FANCB: variants seen among roughly 807,000 people sequenced by gnomAD.
FANCB encodes the protein FA complementation group B, also known as Fanconi anemia group B protein.
In FANCB, 5 loss-of-function variants were observed where a neutral mutation model predicts 38.9. The observed-to-expected ratio is 0.13, with a 90% CI of 0.07 to 0.27. FANCB has a LOEUF of 0.27. Ranked by LOEUF, FANCB falls within the 10% of genes least tolerant of loss-of-function variation. The pLI is 1.00. For missense variants in FANCB, 573 were observed against 602.7 expected (o/e 0.95, Z 0.52); for synonymous variants, 236 against 215.4 (o/e 1.10, Z -0.84).
chrX:14,765,596 G>A, the FANCB span, among the ~76,000 whole-genome samples: 1 of 111,304 alleles, frequency 9.0e-6, no homozygotes, highest in Admixed American at 9.6e-5. Context: ...AATTAAATCT[G>A]TCAAACAGGA....
the FANCB span, among the ~76,000 whole-genome samples, chrX:14,703,688 G>A: frequency 7.2e-5 from 8 of 111,575 alleles, no homozygotes; most frequent in African/African-American, 2.6e-4. Context: ...TGCACACTCA[G>A]GACAGTCCAG....
At chrX:14,769,201 C>G in the FANCB span, among the ~76,000 whole-genome samples, 1 of 111,574 alleles carries the variant, frequency 9.0e-6, no homozygotes, top group Non-Finnish European at 1.9e-5. Flanking sequence ...AGGAGTCCCT[C>G]CTTTTCAATC....
downstream of FANCB, among the ~76,000 whole-genome samples, chrX:14,832,393 T>C (rs762739133): frequency 5.4e-5 from 6 of 111,498 alleles, no homozygotes; most frequent in Non-Finnish European, 1.1e-4. Context: ...CCTACTCCAG[T>C]ATGACCTCAT....
chrX:14,729,570 T>A, the FANCB span, among the ~76,000 whole-genome samples: 2 of 111,838 alleles, frequency 1.8e-5, no homozygotes, highest in African/African-American at 6.5e-5. Context: ...AGCCAAATAA[T>A]CAATGTTAAA....
At chrX:14,786,877 A>G in the FANCB span, among the ~76,000 whole-genome samples, 1 of 111,787 alleles carries the variant, frequency 8.9e-6, no homozygotes, top group Non-Finnish European at 1.9e-5. Context: ...TCTGTCTATA[A>G]TCCAATAATA....
At chrX:14,870,469 C>T (rs1173212145) in intron 1 of FANCB, among the ~76,000 whole-genome samples, 1 of 110,680 alleles carries the variant, frequency 9.0e-6, no homozygotes, top group Non-Finnish European at 1.9e-5. Context: ...CGGGGCGGGG[C>T]GTGGAGACCA....
chrX:14,808,050 G>C, the FANCB span, among the ~76,000 whole-genome samples: 2 of 111,495 alleles, frequency 1.8e-5, no homozygotes, highest in Non-Finnish European at 3.8e-5. Flanking sequence ...GATCAATAAA[G>C]TAACAATATC....
the FANCB span, among the ~76,000 whole-genome samples, chrX:14,766,856 A>G: frequency 5.5e-5 from 6 of 109,858 alleles, no homozygotes; most frequent in Admixed American, 1.9e-4. Flanking sequence ...TCCCCACCCA[A>G]TCAGGCCCTA....
chrX:14,836,491 C>T (rs2092341437), intron 10 of FANCB, among the ~76,000 whole-genome samples: 1 of 112,118 alleles, frequency 8.9e-6, no homozygotes. Flanking sequence ...AATGTACATG[C>T]ATATGTTATT....
At chrX:14,817,916 T>C in the FANCB span, among the ~76,000 whole-genome samples, 1 of 111,753 alleles carries the variant, frequency 8.9e-6, no homozygotes, top group Admixed American at 9.5e-5. Flanking sequence ...AAGGCCTTAG[T>C]TTGCCAACTC....
At chrX:14,819,577 A>G in the FANCB span, among the ~76,000 whole-genome samples, 1 of 111,305 alleles carries the variant, frequency 9.0e-6, no homozygotes, top group East Asian at 2.8e-4. Context: ...TTTTTGTTTG[A>G]TTGGTTGGTT....
At chrX:14,816,963 G>C in the FANCB span, among the ~76,000 whole-genome samples, 2 of 111,884 alleles carry the variant, frequency 1.8e-5, no homozygotes, top group African/African-American at 6.5e-5. Context: ...AATTAAATGA[G>C]ACACTACCTA....
the FANCB span, among the ~76,000 whole-genome samples, chrX:14,721,120 CAAAA>C: frequency 3.6e-4 from 26 of 71,663 alleles, no homozygotes; most frequent in African/African-American, 7.0e-4. Flanking sequence ...GACCCTGTCT[CAAAA>C]AAAAAAAAAA....
chrX:14,795,641 T>G, the FANCB span, among the ~76,000 whole-genome samples: 1 of 112,291 alleles, frequency 8.9e-6, no homozygotes, highest in Non-Finnish European at 1.9e-5. Flanking sequence ...AGAGAATTTC[T>G]GTTTAATGAC....
chrX:14,843,544 A>C lies in FANCB; in HGVS notation c.*23T>G. 1 of 1,102,845 alleles carries C rather than the reference A, an allele frequency of 9.1e-7. No individual in the cohort carries two copies. The highest frequency in any genetic ancestry group is 1.2e-6 in the Non-Finnish European group (1 of 806,468). The allele number at this position is 1,102,845 out of a possible 1,213,427, so 90.9% of individuals were successfully genotyped here. A position where few individuals can be genotyped will look rare whatever the true frequency, so the allele number is the denominator to read the frequency against. ...TATGGTGGTGAAAACATATTTTAAA[A>C]TATGATCAAATTGAAATTATAATTA... On this transcript the variant is annotated 3_prime_UTR_variant, in exon 10 of 10. Coordinates refer to ENST00000650831, the MANE Select transcript of FANCB (RefSeq NM_001018113.3).
At chrX:14,870,555 G>C (rs928597745) in intron 1 of FANCB, among the ~76,000 whole-genome samples, 1 of 111,468 alleles carries the variant, frequency 9.0e-6, no homozygotes, top group Non-Finnish European at 1.9e-5. Context: ...CATCAAAGTT[G>C]ACTATCTATT....
chrX:14,847,757 G>A (rs749378405), intron 7 of FANCB, among the ~76,000 whole-genome samples: 5 of 110,509 alleles, frequency 4.5e-5, no homozygotes, highest in Non-Finnish European at 7.6e-5. Flanking sequence ...TAAGGGATCA[G>A]AAATGAACAG....
At chrX:14,741,533 C>A in the FANCB span, among the ~76,000 whole-genome samples, 1 of 111,684 alleles carries the variant, frequency 9.0e-6, no homozygotes, top group African/African-American at 3.3e-5. Flanking sequence ...CAACCCCCTT[C>A]TTTGCCTACT....
chrX:14,786,693 G>A, the FANCB span, among the ~76,000 whole-genome samples: 1 of 110,965 alleles, frequency 9.0e-6, no homozygotes, highest in Non-Finnish European at 1.9e-5. Flanking sequence ...TAATTAGTAG[G>A]CAAGAAGCAG....
Sources: gnomAD v4.1 joint callset for allele counts (sites outside exome capture counted in the v4.1 genomes callset) on GRCh38, gnomAD v4.1.1 for gene constraint, MANE v1.5 for transcripts, NCBI Gene and HGNC (gene_info 2026-07-23, HGNC 2026-07-21) for gene names.